The following FGF12 variants were observed in gnomAD, a reference collection of about 807,000 sequenced individuals.
FGF12 encodes the protein fibroblast growth factor 12B.
Under a neutral mutation model 23.6 loss-of-function variants are expected in FGF12, and 14 were observed. The ratio of observed to expected loss-of-function variants is 0.59; its 90% CI spans 0.39 to 0.93. The LOEUF (loss-of-function observed/expected upper bound fraction) is 0.93, where lower values mean the gene tolerates loss of function less well. Ranked by LOEUF, FGF12 falls within the 40% of genes least tolerant of loss-of-function variation. FGF12 has a pLI of 0.00. For synonymous variants in FGF12, 62 were observed against 77.3 expected, an observed-to-expected ratio of 0.80 and a Z score of 1.04; for missense variants, 175 against 217.8, an observed-to-expected ratio of 0.80 and a Z score of 1.24.
At chr3:192,477,427 A>G (rs994448411) in intron 2 of FGF12, among the ~76,000 whole-genome samples, 1 of 152,158 alleles carries the variant, frequency 6.6e-6, no homozygotes, top group Non-Finnish European at 1.5e-5. Flanking sequence ...TAACAAGAAA[A>G]ATTCTATTGC....
intron 5 of FGF12, among the ~76,000 whole-genome samples, chr3:192,164,762 C>G (rs530691910): frequency 6.6e-6 from 1 of 152,078 alleles, no homozygotes; most frequent in Non-Finnish European, 1.5e-5. Flanking sequence ...TACCATTGGA[C>G]TTACAGGGTT....
intron 2 of FGF12, among the ~76,000 whole-genome samples, chr3:192,496,793 T>C (rs752468827): frequency 1.9e-4 from 29 of 152,308 alleles, no homozygotes; most frequent in Non-Finnish European, 4.0e-4. Context: ...GGTCATTCCT[T>C]TCTGCCACTT....
intron 3 of FGF12, among the ~76,000 whole-genome samples, chr3:192,335,785 A>T (rs1717375982): frequency 6.6e-6 from 1 of 152,040 alleles, no homozygotes; most frequent in South Asian, 2.1e-4. Flanking sequence ...ATATAAGATA[A>T]TTTTTTCTAA....
intron 2 of FGF12, among the ~76,000 whole-genome samples, chr3:192,618,247 T>TAA (rs78960252): frequency 1.8e-4 from 22 of 125,534 alleles, no homozygotes; most frequent in Middle Eastern, 4.1e-3. Flanking sequence ...CATGGGGAAC[T>TAA]AAAAAAAAAA....
intron 4 of FGF12, among the ~76,000 whole-genome samples, chr3:192,303,157 T>C (rs1715434855): frequency 6.6e-6 from 1 of 152,234 alleles, no homozygotes; most frequent in Admixed American, 6.5e-5. Flanking sequence ...ATATGTTAAT[T>C]GCAATGTACT....
chr3:192,226,868 T>G (rs893787621), intron 4 of FGF12, among the ~76,000 whole-genome samples: 1 of 152,232 alleles, frequency 6.6e-6, no homozygotes, highest in African/African-American at 2.4e-5. Flanking sequence ...TACATATATA[T>G]ATACTTCAAA....
At chr3:192,717,422 C>G (rs1718899206) in intron 2 of FGF12, among the ~76,000 whole-genome samples, 1 of 152,154 alleles carries the variant, frequency 6.6e-6, no homozygotes, top group Non-Finnish European at 1.5e-5. Context: ...ATAGTAAAAG[C>G]TGCAAAAGCA....
chr3:192,204,749 G>C (rs1216937312), intron 4 of FGF12, among the ~76,000 whole-genome samples: 1 of 152,066 alleles, frequency 6.6e-6, no homozygotes, highest in Non-Finnish European at 1.5e-5. Context: ...AGCTGGGCGT[G>C]GTAGCATGCA....
intron 2 of FGF12, among the ~76,000 whole-genome samples, chr3:192,684,461 C>T (rs1302278934): frequency 3.9e-5 from 6 of 152,020 alleles, no homozygotes; most frequent in African/African-American, 7.3e-5. Context: ...AGCAGCTGCC[C>T]GTTTGCTTTT....
chr3:192,509,566 AG>A (rs1490066258), intron 2 of FGF12, among the ~76,000 whole-genome samples: 9 of 152,208 alleles, frequency 5.9e-5, no homozygotes, highest in Non-Finnish European at 1.2e-4. Context: ...AGTTTTTCAG[AG>A]TCTTGCAATT....
intron 3 of FGF12, among the ~76,000 whole-genome samples, chr3:192,338,636 G>A (rs921977812): frequency 6.6e-6 from 1 of 152,198 alleles, no homozygotes; most frequent in African/African-American, 2.4e-5. Flanking sequence ...CCCAGCGGGT[G>A]TTGGCAGGTG....
At chr3:192,545,307 C>T (rs971312593) in intron 2 of FGF12, among the ~76,000 whole-genome samples, 5 of 152,160 alleles carry the variant, frequency 3.3e-5, no homozygotes, top group African/African-American at 1.2e-4. Context: ...TTTTCCCTGG[C>T]ACTGAATTCC....
chr3:192,170,933 C>T lies in FGF12; in HGVS notation c.229-277G>A, dbSNP rs76256349. Reference sequence around the variant, plus strand: ...CAGGACTGTGGCCAAGTCTGCGCTCCGATCCTAGCAATATGTTTTGTAAAC... The same window carrying T: ...CAGGACTGTGGCCAAGTCTGCGCTCTGATCCTAGCAATATGTTTTGTAAAC... On this transcript the variant is annotated intron_variant, in intron 4 of 5. Coordinates refer to ENST00000445105, the MANE Select transcript of FGF12 (RefSeq NM_004113.6). Among the ~76,000 whole-genome samples, 6,641 of 152,266 alleles carry T rather than the reference C, an allele frequency of 0.044. 191 individuals carry two copies. Among genetic ancestry groups the T allele is most frequent in the Admixed American group, 0.059 (898 of 15,300 alleles).
intron 4 of FGF12, among the ~76,000 whole-genome samples, chr3:192,216,303 T>C (rs1008446947): frequency 6.6e-6 from 1 of 152,202 alleles, no homozygotes; most frequent in Non-Finnish European, 1.5e-5. Context: ...ATCCAGCCAT[T>C]TGTTATCTAC....
chr3:192,690,768 AT>A (rs1717919266), intron 2 of FGF12, among the ~76,000 whole-genome samples: 1 of 152,000 alleles, frequency 6.6e-6, no homozygotes, highest in South Asian at 2.1e-4. Flanking sequence ...TGGATAAATT[AT>A]TTAAAAAAGA....
At chr3:192,296,748 GA>G (rs1296092558) in intron 4 of FGF12, among the ~76,000 whole-genome samples, 4 of 151,756 alleles carry the variant, frequency 2.6e-5, no homozygotes, top group African/African-American at 4.8e-5. Context: ...AATCCCTTAA[GA>G]AATGTCCTGC....
chr3:192,165,821 A>C (rs1044642214), intron 5 of FGF12, among the ~76,000 whole-genome samples: 2 of 152,192 alleles, frequency 1.3e-5, no homozygotes, highest in African/African-American at 4.8e-5. Context: ...CATAGTACAG[A>C]GGTTACGTGA....
intron 5 of FGF12, among the ~76,000 whole-genome samples, chr3:192,145,920 C>T (rs1330891466): frequency 8.5e-6 from 1 of 117,834 alleles, no homozygotes; most frequent in Non-Finnish European, 2.1e-5. Context: ...ACCTCTCTTT[C>T]TATTATAAAA....
intron 2 of FGF12, among the ~76,000 whole-genome samples, chr3:192,415,732 T>TCACACACACA (rs572589902): frequency 9.3e-5 from 11 of 118,028 alleles, no homozygotes; most frequent in African/African-American, 2.5e-4. Flanking sequence ...TCTCTCTCTC[T>TCACACACACA]CACACACACA....
Sources: gnomAD v4.1 joint callset for allele counts (sites outside exome capture counted in the v4.1 genomes callset) on GRCh38, gnomAD v4.1.1 for gene constraint, MANE v1.5 for transcripts, NCBI Gene and HGNC (gene_info 2026-07-23, HGNC 2026-07-21) for gene names.